The following CSMD3 variants were observed in gnomAD, a reference collection of about 807,000 sequenced individuals.
The protein encoded by CSMD3 is CUB and sushi domain-containing protein 3.
Under a neutral mutation model 435.2 loss-of-function variants are expected in CSMD3, and 177 were observed. The observed-to-expected ratio is 0.41, with a 90% CI of 0.36 to 0.46. CSMD3 has a LOEUF of 0.46. Among genes scored for constraint, CSMD3 ranks in the 20% least tolerant of loss-of-function variants. The pLI is 0.34. For synonymous variants in CSMD3, 1,656 were observed against 1,520.5 expected, an observed-to-expected ratio of 1.09 and a Z score of -2.07; for missense variants, 4,265 against 4,504.6, an observed-to-expected ratio of 0.95 and a Z score of 1.52.
Position 113,040,737 on chromosome 8 carries a change from G to A in CSMD3, c.918-21558C>T, listed in dbSNP as rs151042585. Among the ~76,000 whole-genome samples the A allele has an allele frequency of 3.9e-3, 593 of 152,212 alleles. 1 individual carries two copies. Among genetic ancestry groups the A allele is most frequent in the Middle Eastern group, 0.014 (4 of 294 alleles). ...AAGTTTACAGTGCTTAGAAGTCCAA[G>A]TATTGATATCAAATACACAGGTGGC... On this transcript the variant is annotated intron_variant, in intron 5 of 70. Coordinates refer to ENST00000297405, the MANE Select transcript of CSMD3 (RefSeq NM_198123.2).
chr8:112,952,611 A>C (rs992501437), intron 8 of CSMD3, among the ~76,000 whole-genome samples: 3 of 151,578 alleles, frequency 2.0e-5, no homozygotes, highest in Non-Finnish European at 4.4e-5. Flanking sequence ...GAAACAAATT[A>C]TAGTAAAATG....
intron 53 of CSMD3, among the ~76,000 whole-genome samples, chr8:112,301,319 ATT>A (rs199791585): frequency 6.6e-6 from 1 of 151,686 alleles, no homozygotes. Context: ...GGTTCAAAAA[ATT>A]TTTTTTTAAT....
chr8:112,522,280 A>C (rs1365996237), intron 27 of CSMD3, among the ~76,000 whole-genome samples: 1 of 151,826 alleles, frequency 6.6e-6, no homozygotes, highest in African/African-American at 2.4e-5. Flanking sequence ...AGAAGAAACA[A>C]TTTTTCAAGA....
chr8:112,519,292 G>T (rs1469674777), intron 27 of CSMD3, among the ~76,000 whole-genome samples: 1 of 152,062 alleles, frequency 6.6e-6, no homozygotes, highest in African/African-American at 2.4e-5. Context: ...AAGATAAAGG[G>T]TCTTAACAAC....
intron 1 of CSMD3, among the ~76,000 whole-genome samples, chr8:113,370,718 A>ATTTTACTATTTACTAT (rs2094341851): frequency 6.6e-6 from 1 of 151,946 alleles, no homozygotes; most frequent in Non-Finnish European, 1.5e-5. Context: ...TTCTCTGGCA[A>ATTTTACTATTTACTAT]TAAATCTCTT....
intron 22 of CSMD3, among the ~76,000 whole-genome samples, chr8:112,596,247 C>A (rs1831705082): frequency 6.6e-6 from 1 of 151,860 alleles, no homozygotes. Flanking sequence ...TTTAAACCAA[C>A]AAAGATCAAA....
At chr8:112,650,767 G>A (rs938529292) in intron 18 of CSMD3, among the ~76,000 whole-genome samples, 3 of 118,756 alleles carry the variant, frequency 2.5e-5, no homozygotes, top group African/African-American at 9.5e-5. Context: ...AGGTATGAAA[G>A]TATGAACACC....
intron 32 of CSMD3, among the ~76,000 whole-genome samples, chr8:112,456,936 T>C (rs1816895133): frequency 6.6e-6 from 1 of 152,096 alleles, no homozygotes; most frequent in Non-Finnish European, 1.5e-5. Context: ...ATCAGTCAAA[T>C]ATGAATTATA....
chr8:112,558,900 A>T (rs1828366736), intron 24 of CSMD3, among the ~76,000 whole-genome samples: 1 of 152,008 alleles, frequency 6.6e-6, no homozygotes, highest in Non-Finnish European at 1.5e-5. Flanking sequence ...TCTCATATTT[A>T]AAATATACTT....
intron 6 of CSMD3, among the ~76,000 whole-genome samples, chr8:112,994,735 G>C (rs183336122): frequency 6.6e-6 from 1 of 151,356 alleles, no homozygotes; most frequent in African/African-American, 2.4e-5. Context: ...GCCTTTTCAC[G>C]TTATAGTACA....
rs763334675 is a variant in CSMD3, at chr8:113,436,661, C to T, written c.178+16G>A. ...ACCTCCATCCAAAGCGGAGGGGACC[C>T]CCAAAGCAGACCTACCTTTCACACA... On this transcript the variant is annotated intron_variant, in intron 1 of 70. Coordinates refer to ENST00000297405, the MANE Select transcript of CSMD3 (RefSeq NM_198123.2). 6.2e-7 allele frequency: 1 copy of T among 1,613,904 alleles called. No homozygotes were observed. The highest frequency in any genetic ancestry group is 1.3e-5 in the African/African-American group (1 of 75,026).
rs576437823 is a variant in CSMD3 at position 112,535,420 on chromosome 8, A to T, written c.4564+15251T>A. 3.6e-3 allele frequency among the ~76,000 whole-genome samples: 540 copies of T among 151,652 alleles called. 1 individual carries two copies. Among genetic ancestry groups the T allele is most frequent in the African/African-American group, 0.013 (519 of 41,488 alleles). On this transcript the variant is annotated intron_variant, in intron 27 of 70. Coordinates refer to ENST00000297405, the MANE Select transcript of CSMD3 (RefSeq NM_198123.2). ...AAATCATGAGTGAACTCCCATTCACAATTGCTTCAAAGAGAATAAAATACC... is the reference window on the plus strand; with the variant it reads ...AAATCATGAGTGAACTCCCATTCACTATTGCTTCAAAGAGAATAAAATACC...
intron 3 of CSMD3, among the ~76,000 whole-genome samples, chr8:113,249,362 G>A (rs184269700): frequency 2.4e-4 from 36 of 152,040 alleles, no homozygotes; most frequent in Admixed American, 1.3e-3. Flanking sequence ...GTGGATATTC[G>A]GCATGGAAAC....
At chr8:113,082,020 C>T (rs895803759) in intron 5 of CSMD3, among the ~76,000 whole-genome samples, 1 of 152,142 alleles carries the variant, frequency 6.6e-6, no homozygotes, top group Non-Finnish European at 1.5e-5. Context: ...CCCACCTGGA[C>T]AATCACTCCC....
At chr8:112,335,557 C>T in intron 44 of CSMD3, 83 bp from the exon 45 acceptor site, 1 of 1,184,040 alleles carries the variant, frequency 8.4e-7, no homozygotes, top group Non-Finnish European at 1.2e-6. Context: ...AAAAGTATTG[C>T]ATATATTTAT....
At chr8:112,557,992 G>T (rs1163488879) in intron 24 of CSMD3, among the ~76,000 whole-genome samples, 1 of 151,864 alleles carries the variant, frequency 6.6e-6, no homozygotes, top group Non-Finnish European at 1.5e-5. Flanking sequence ...TATATTAACT[G>T]CAAGTAGTGT....
At chr8:113,331,937 G>T (rs2094030822) in intron 1 of CSMD3, among the ~76,000 whole-genome samples, 3 of 151,352 alleles carry the variant, frequency 2.0e-5, no homozygotes, top group Admixed American at 2.0e-4. Flanking sequence ...AGAGAAATTA[G>T]ATAAGAAAAA....
chr8:113,395,874 A>G, intron 1 of CSMD3, among the ~76,000 whole-genome samples: 1 of 152,086 alleles, frequency 6.6e-6, no homozygotes, highest in Non-Finnish European at 1.5e-5. Flanking sequence ...CCATGTTCTA[A>G]TACTATGAAG....
intron 5 of CSMD3, chr8:113,098,532 A>C (rs760879289): frequency 5.9e-5 from 32 of 540,854 alleles, no homozygotes; most frequent in Admixed American, 9.5e-5. Context: ...AGATTACAAT[A>C]GGAATAACTT....
Sources: gnomAD v4.1 joint callset for allele counts (sites outside exome capture counted in the v4.1 genomes callset) on GRCh38, gnomAD v4.1.1 for gene constraint, MANE v1.5 for transcripts, NCBI Gene and HGNC (gene_info 2026-07-23, HGNC 2026-07-21) for gene names.